SAMMSON: variants seen among roughly 807,000 people sequenced by gnomAD.
The protein encoded by SAMMSON is survival associated mitochondrial melanoma specific oncogenic non-coding RNA, also known as long intergenic non-protein coding RNA 1212.
intron 9 of SAMMSON, among the ~76,000 whole-genome samples, chr3:70,369,750 T>C (rs903646577): frequency 7.2e-5 from 11 of 151,870 alleles, no homozygotes; most frequent in Non-Finnish European, 1.0e-4. Context: ...CTAGAGTGTA[T>C]AACAAACCAG....
chr3:70,305,362 T>C (rs1437037487), intron 7 of SAMMSON, among the ~76,000 whole-genome samples: 1 of 152,186 alleles, frequency 6.6e-6, no homozygotes, highest in African/African-American at 2.4e-5. Flanking sequence ...ATAATTCCAT[T>C]ACCTGTGTTT....
intron 4 of SAMMSON, among the ~76,000 whole-genome samples, chr3:70,152,762 G>A (rs2067576842): frequency 1.3e-5 from 2 of 152,076 alleles, no homozygotes; most frequent in East Asian, 1.9e-4. Flanking sequence ...ACAGTGACTG[G>A]TAGAGTAGAA....
intron 4 of SAMMSON, chr3:70,120,582 T>G (rs2067428883): frequency 6.6e-6 from 1 of 152,220 alleles, no homozygotes; most frequent in Non-Finnish European, 1.5e-5. Flanking sequence ...GCTCTTGCAC[T>G]CATGTGAGAA....
chr3:70,167,030 A>G (rs916359506), intron 4 of SAMMSON, among the ~76,000 whole-genome samples: 10 of 152,074 alleles, frequency 6.6e-5, no homozygotes, highest in African/African-American at 2.2e-4. Context: ...TTACAATAAA[A>G]TGCTTTAAAA....
intron 2 of SAMMSON, among the ~76,000 whole-genome samples, chr3:70,422,953 AATGT>A (rs1701324056): frequency 6.6e-6 from 1 of 152,012 alleles, no homozygotes; most frequent in Non-Finnish European, 1.5e-5. Context: ...ATTTTAATAA[AATGT>A]ATGTTTTGTA....
intron 7 of SAMMSON, among the ~76,000 whole-genome samples, chr3:70,313,033 T>C (rs957320578): frequency 6.6e-6 from 1 of 152,190 alleles, no homozygotes; most frequent in Non-Finnish European, 1.5e-5. Flanking sequence ...GTTTGAAAAG[T>C]GAGTGTTTTT....
At chr3:70,019,861 A>G (rs1219176251) in intron 3 of SAMMSON, among the ~76,000 whole-genome samples, 1 of 151,716 alleles carries the variant, frequency 6.6e-6, no homozygotes, top group African/African-American at 2.4e-5. Context: ...GCAGTAAGGA[A>G]CCCTGTTTGG....
At chr3:70,060,292 C>T (rs1442067652) in intron 3 of SAMMSON, among the ~76,000 whole-genome samples, 1 of 151,960 alleles carries the variant, frequency 6.6e-6, no homozygotes, top group Admixed American at 6.6e-5. Context: ...AACAGTTAAA[C>T]AAGGAATTAT....
intron 7 of SAMMSON, among the ~76,000 whole-genome samples, chr3:70,323,999 C>G (rs1303674625): frequency 6.6e-6 from 1 of 152,078 alleles, no homozygotes; most frequent in African/African-American, 2.4e-5. Context: ...CCATGCCATC[C>G]TCCACTTTAC....
In SAMMSON at chr3:70,360,344, C is replaced by T. The variant is rs537276226; in HGVS notation, n.913+2020C>T. On this transcript the variant is annotated intron_variant and non_coding_transcript_variant, in intron 9 of 9. Coordinates refer to ENST00000642114, the Ensembl canonical transcript of SAMMSON. ...TTACAACTTAAGTATACAATAAGGACGGGACCTTCTTAGAAACAATGTTAA... is the reference window on the plus strand; with the variant it reads ...TTACAACTTAAGTATACAATAAGGATGGGACCTTCTTAGAAACAATGTTAA... Among the ~76,000 whole-genome samples the T allele has an allele frequency of 6.6e-5, 10 of 152,176 alleles. No homozygotes were observed. The South Asian group carries it at 1.7e-3, about 25-fold the overall frequency.
intron 6 of SAMMSON, among the ~76,000 whole-genome samples, chr3:70,268,012 C>T (rs923551563): frequency 2.6e-5 from 4 of 151,108 alleles, no homozygotes; most frequent in African/African-American, 9.8e-5. Flanking sequence ...TTCTCCTCCC[C>T]TCCTTCTCTT....
intron 4 of SAMMSON, among the ~76,000 whole-genome samples, chr3:70,153,117 C>T (rs927691862): frequency 6.6e-6 from 1 of 151,842 alleles, no homozygotes; most frequent in African/African-American, 2.4e-5. Context: ...TTTTTTCTCC[C>T]AAGGAAATGA....
intron 9 of SAMMSON, among the ~76,000 whole-genome samples, chr3:70,388,514 C>A (rs1024283355): frequency 6.6e-6 from 1 of 152,094 alleles, no homozygotes; most frequent in Non-Finnish European, 1.5e-5. Context: ...TAATCCAACC[C>A]TCTTGTCCAT....
intron 4 of SAMMSON, among the ~76,000 whole-genome samples, chr3:70,080,927 C>T (rs756324907): frequency 1.2e-4 from 19 of 152,130 alleles, no homozygotes; most frequent in Non-Finnish European, 2.5e-4. Flanking sequence ...GCCTATAGTT[C>T]ACTCCATGTG....
intron 6 of SAMMSON, among the ~76,000 whole-genome samples, chr3:70,250,732 C>T (rs1038640211): frequency 1.3e-5 from 2 of 151,996 alleles, no homozygotes; most frequent in African/African-American, 2.4e-5. Context: ...TTTGTTTGTC[C>T]TGGAAGCATC....
chr3:70,387,967 T>C (rs1700993263), intron 9 of SAMMSON, among the ~76,000 whole-genome samples: 1 of 116,268 alleles, frequency 8.6e-6, no homozygotes, highest in Admixed American at 1.0e-4. Context: ...CTTTTGAGCC[T>C]ATTTTTTTTG....
chr3:70,106,651 T>G (rs2067368360), intron 4 of SAMMSON, among the ~76,000 whole-genome samples: 1 of 152,018 alleles, frequency 6.6e-6, no homozygotes, highest in Non-Finnish European at 1.5e-5. Context: ...GATTTTGCAT[T>G]TGTAACAAGC....
intron 2 of SAMMSON, among the ~76,000 whole-genome samples, chr3:70,417,530 T>C (rs1307656408): frequency 1.3e-5 from 2 of 152,204 alleles, no homozygotes; most frequent in Admixed American, 1.3e-4. Context: ...AATGGAAATG[T>C]ATTTCACCAG....
chr3:70,115,366 C>T (rs1454645241), intron 4 of SAMMSON, among the ~76,000 whole-genome samples: 4 of 152,012 alleles, frequency 2.6e-5, no homozygotes, highest in East Asian at 1.9e-4. Context: ...TTAATTTTCT[C>T]AGTAAAGAGA....
Sources: allele counts gnomAD v4.1 joint callset (sites outside exome capture counted in the v4.1 genomes callset), GRCh38; gene constraint gnomAD v4.1.1; transcripts MANE v1.5; gene names NCBI Gene and HGNC (gene_info 2026-07-23, HGNC 2026-07-21).